CCDC3: variants seen among roughly 807,000 people sequenced by gnomAD.
The protein encoded by CCDC3 is coiled-coil domain containing 3.
In CCDC3, 24 loss-of-function variants were observed where a neutral mutation model predicts 21.4. That is an observed-to-expected ratio of 1.12 (90% CI 0.81 to 1.58). The LOEUF (loss-of-function observed/expected upper bound fraction) is 1.58. Ranked by LOEUF, CCDC3 falls within the 40% of genes most tolerant of loss-of-function variation. The pLI, the probability that CCDC3 is intolerant of heterozygous loss-of-function variation, is 0.00. For synonymous variants in CCDC3, 186 were observed against 166.0 expected (o/e 1.12, Z -0.93); for missense variants, 425 against 360.9 (o/e 1.18, Z -1.44).
Position 13,015,082 on chromosome 10 carries a change from G to A in CCDC3, c.-1-16570C>T, listed in dbSNP as rs577198834. ...CTAAAAGGCATGCATGTGATATAAC[G>A]TTAAGTGAAAGAAGAGTATGAATGA... On this transcript the variant is annotated intron_variant, in intron 5 of 6. Transcript: ENST00000378839. 2.3e-4 allele frequency among the ~76,000 whole-genome samples: 35 copies of A among 152,056 alleles called. 1 individual carries two copies. Among genetic ancestry groups the A allele is most frequent in the Admixed American group, 2.0e-3 (31 of 15,274 alleles).
intron 3 of CCDC3, chr10:13,074,169 T>C (rs1444060286): frequency 3.3e-5 from 4 of 121,188 alleles, no homozygotes; most frequent in Non-Finnish European, 7.1e-5. Context: ...TTTTTTTTTT[T>C]TTTTTGAGAC....
intron 2 of CCDC3, among the ~76,000 whole-genome samples, chr10:12,933,259 C>G (rs967842653): frequency 2.0e-5 from 3 of 152,094 alleles, no homozygotes; most frequent in Non-Finnish European, 4.4e-5. Flanking sequence ...GTAGCATTTA[C>G]CAGTGAATCC....
chr10:13,033,645 GA>G (rs1355673258), intron 5 of CCDC3, among the ~76,000 whole-genome samples: 1 of 152,102 alleles, frequency 6.6e-6, no homozygotes, highest in African/African-American at 2.4e-5. Flanking sequence ...AAATTTACAA[GA>G]AAAAAGCAAA....
chr10:12,997,107 A>G (rs1835772997), intron 2 of CCDC3, among the ~76,000 whole-genome samples: 1 of 152,082 alleles, frequency 6.6e-6, no homozygotes, highest in African/African-American at 2.4e-5. Flanking sequence ...TAAAAAAGAC[A>G]ATAAGGGGAT....
chr10:13,072,721 AC>A (rs1836898906), intron 4 of CCDC3, among the ~76,000 whole-genome samples: 1 of 151,680 alleles, frequency 6.6e-6, no homozygotes, highest in South Asian at 2.1e-4. Flanking sequence ...TGCTCTGCAC[AC>A]CCTTCAATGT....
chr10:13,057,008 C>A (rs1475698061), intron 4 of CCDC3, among the ~76,000 whole-genome samples: 1 of 152,138 alleles, frequency 6.6e-6, no homozygotes, highest in African/African-American at 2.4e-5. Context: ...AATGAGGGGA[C>A]AGGCCCGGCA....
intron 2 of CCDC3, among the ~76,000 whole-genome samples, chr10:12,942,717 G>A (rs968026583): frequency 1.3e-5 from 2 of 152,148 alleles, no homozygotes; most frequent in Non-Finnish European, 2.9e-5. Flanking sequence ...CCAATCTTTT[G>A]TCCCCTGTGT....
At chr10:13,002,265 T>C (rs529050744), upstream of CCDC3, among the ~76,000 whole-genome samples, 1 of 152,330 alleles carries the variant, frequency 6.6e-6, no homozygotes, top group Non-Finnish European at 1.5e-5. Context: ...TTCTAAACAC[T>C]GTACACCTGA....
intron 2 of CCDC3, among the ~76,000 whole-genome samples, chr10:12,960,821 A>G (rs2131256728): frequency 6.6e-6 from 1 of 152,298 alleles, no homozygotes; most frequent in East Asian, 1.9e-4. Flanking sequence ...TGACACCCAG[A>G]ATGGGCATTA....
intron 2 of CCDC3, among the ~76,000 whole-genome samples, chr10:12,935,109 C>G (rs887142017): frequency 6.6e-6 from 1 of 151,668 alleles, no homozygotes; most frequent in Non-Finnish European, 1.5e-5. Flanking sequence ...CCTTGCTGGT[C>G]TCAAGCAATC....
At chr10:12,974,122 G>T (rs1006373586) in intron 2 of CCDC3, among the ~76,000 whole-genome samples, 1 of 152,260 alleles carries the variant, frequency 6.6e-6, no homozygotes, top group Non-Finnish European at 1.5e-5. Flanking sequence ...GAAATATGGG[G>T]TGATGGACCC....
chr10:12,998,518 G>A lies in CCDC3; in HGVS notation c.375-6C>T, dbSNP rs1238448635. 5.0e-6 allele frequency: 8 copies of A among 1,611,966 alleles called. No individual in the cohort carries two copies. In the African/African-American group the frequency reaches 9.4e-5, roughly 19 times the overall value. ...GGTTATAATTTTCATCCATCCTAAT[G>A]GAGGAAAAAAAGGCAGACATGTAGG... On this transcript the variant is annotated splice_region_variant and splice_polypyrimidine_tract_variant and intron_variant, in intron 1 of 2. Transcript: ENST00000378825.
intron 2 of CCDC3, among the ~76,000 whole-genome samples, chr10:12,965,616 T>G (rs1385919774): frequency 1.3e-5 from 2 of 152,230 alleles, no homozygotes; most frequent in African/African-American, 4.8e-5. Context: ...TAAACACTAA[T>G]TTTTTGCTGT....
intron 4 of CCDC3, among the ~76,000 whole-genome samples, chr10:13,063,568 G>T (rs1395855828): frequency 1.3e-5 from 2 of 152,100 alleles, no homozygotes; most frequent in Non-Finnish European, 2.9e-5. Flanking sequence ...GAAAACTAAG[G>T]CACATCAAGG....
intron 5 of CCDC3, among the ~76,000 whole-genome samples, chr10:13,013,198 C>A (rs1394690421): frequency 6.6e-6 from 1 of 152,102 alleles, no homozygotes; most frequent in Non-Finnish European, 1.5e-5. Context: ...ATGCAAGCAC[C>A]CAGCAGCCAG....
intron 2 of CCDC3, among the ~76,000 whole-genome samples, chr10:12,962,820 T>C (rs1835200187): frequency 6.6e-6 from 1 of 152,176 alleles, no homozygotes; most frequent in Non-Finnish European, 1.5e-5. Context: ...AAGTAATGCA[T>C]CAAACATAGA....
chr10:13,053,013 TG>T lies in CCDC3; in HGVS notation c.-269-3073del, dbSNP rs61611657. On this transcript the variant is annotated intron_variant, in intron 4 of 6. Transcript: ENST00000378839. The stretch of plus-strand genomic sequence containing the variant: ...ACACACACACACCTAGAAGTTCCAA[TG>T]TTTTTTTTCTTGCCTTCCAATGGAT... Among the ~76,000 whole-genome samples the T allele has an allele frequency of 2.5e-3, 383 of 151,214 alleles. 4 individuals are homozygous for T. Among genetic ancestry groups the T allele is most frequent in the African/African-American group, 9.0e-3 (370 of 41,134 alleles).
At chr10:13,099,799 T>C (rs1588426079), upstream of CCDC3, 1 of 152,040 alleles carries the variant, frequency 6.6e-6, no homozygotes, top group Non-Finnish European at 1.5e-5. Flanking sequence ...CCCCTGCGGC[T>C]CCAGCCTCCA....
intron 5 of CCDC3, among the ~76,000 whole-genome samples, chr10:13,017,720 C>T (rs953548873): frequency 1.3e-5 from 2 of 152,048 alleles, no homozygotes; most frequent in South Asian, 4.2e-4. Flanking sequence ...TTTCTTTCAA[C>T]TACCATGTGT....
Sources: allele counts gnomAD v4.1 joint callset (sites outside exome capture counted in the v4.1 genomes callset), GRCh38; gene constraint gnomAD v4.1.1; transcripts MANE v1.5; gene names NCBI Gene and HGNC (gene_info 2026-07-23, HGNC 2026-07-21).